The following LRRC9 variants were observed in gnomAD, a reference collection of about 807,000 sequenced individuals.
The protein encoded by LRRC9 is leucine rich repeat containing 9.
Under a neutral mutation model 63.2 loss-of-function variants are expected in LRRC9, and 122 were observed. The observed-to-expected ratio is 1.93, with a 90% confidence interval of 1.67 to 2.24. The LOEUF (loss-of-function observed/expected upper bound fraction) is 2.24. Ranked by LOEUF, LRRC9 falls within the 30% of genes most tolerant of loss-of-function variation. The pLI is 0.00. For synonymous variants in LRRC9, 366 were observed against 213.1 expected, an observed-to-expected ratio of 1.72 and a Z score of -6.25; for missense variants, 1,071 against 627.7, an observed-to-expected ratio of 1.71 and a Z score of -7.55.
chr14:59,928,905 A>T (rs1889443946), intron 3 of LRRC9, among the ~76,000 whole-genome samples: 1 of 152,130 alleles, frequency 6.6e-6, no homozygotes, highest in South Asian at 2.1e-4. Flanking sequence ...TCTTCCTTAT[A>T]CCATATACAA....
At chr14:59,984,288 C>T (rs555481497) in intron 16 of LRRC9, among the ~76,000 whole-genome samples, 17 of 152,224 alleles carry the variant, frequency 1.1e-4, no homozygotes, top group African/African-American at 3.9e-4. Context: ...AATTGTTTCT[C>T]CCTTCTAGGA....
At chr14:60,002,735 A>G (rs750533135) in intron 20 of LRRC9, among the ~76,000 whole-genome samples, 4 of 152,212 alleles carry the variant, frequency 2.6e-5, no homozygotes, top group Non-Finnish European at 5.9e-5. Context: ...CGTTCGCCAC[A>G]GAATTGGAAA....
At chr14:60,021,185 T>C (rs1042183916) in intron 26 of LRRC9, among the ~76,000 whole-genome samples, 5 of 151,960 alleles carry the variant, frequency 3.3e-5, no homozygotes, top group African/African-American at 1.2e-4. Flanking sequence ...GTATAGCCAT[T>C]CTAATACATT....
At chr14:60,000,402 C>A (rs572115434) in intron 19 of LRRC9, among the ~76,000 whole-genome samples, 3 of 152,168 alleles carry the variant, frequency 2.0e-5, no homozygotes, top group African/African-American at 7.2e-5. Flanking sequence ...GAAATGTCTC[C>A]TTGTAACAAA....
At chr14:59,988,549 T>C (rs1887719656) in intron 17 of LRRC9, among the ~76,000 whole-genome samples, 1 of 152,174 alleles carries the variant, frequency 6.6e-6, no homozygotes, top group Admixed American at 6.5e-5. Flanking sequence ...TTATCTACTG[T>C]TGTACACGCA....
At position 59,922,158 on chromosome 14, in the gene LRRC9, G is replaced by C. The variant is rs935592786; in HGVS notation, c.-34+2275G>C. On this transcript the variant is annotated intron_variant, in intron 1 of 31. Transcript: ENST00000445360. This position sits in a 1 kb window ranked among gnomAD's most constrained non-coding sequence, Gnocchi z 5.3. ...GCACAAAGTAAGTTTGAAATAACAAGTAGAGAGAAGCCAAGGAGAAAAGTT... is the reference window on the plus strand; with the variant it reads ...GCACAAAGTAAGTTTGAAATAACAACTAGAGAGAAGCCAAGGAGAAAAGTT... 2.6e-5 allele frequency among the ~76,000 whole-genome samples: 4 copies of C among 151,998 alleles called. No homozygotes were observed. The highest frequency in any genetic ancestry group is 5.9e-5 in the Non-Finnish European group (4 of 68,000).
At chr14:59,995,738 T>A (rs1174524388) in intron 17 of LRRC9, among the ~76,000 whole-genome samples, 1 of 151,668 alleles carries the variant, frequency 6.6e-6, no homozygotes, top group Non-Finnish European at 1.5e-5. Flanking sequence ...TTTTTTTTGT[T>A]ATATTTTATT....
chr14:59,944,849 T>TACAC (rs528764946), intron 8 of LRRC9, 105 bp downstream of exon 8: 1 of 464,274 alleles, frequency 2.2e-6, no homozygotes, highest in Non-Finnish European at 3.7e-6. Context: ...ACATATATAA[T>TACAC]ACACACACAC....
At position 60,050,245 on chromosome 14, in the gene LRRC9, C is replaced by T. The variant is rs913736982; in HGVS notation, c.3991-2820C>T. Among the ~76,000 whole-genome samples the T allele has an allele frequency of 3.9e-4, 60 of 152,184 alleles. 1 individual carries two copies. The highest frequency in any genetic ancestry group is 7.2e-4 in the Non-Finnish European group (49 of 68,032). On this transcript the variant is annotated intron_variant, in intron 29 of 31. Coordinates refer to ENST00000445360, the Ensembl canonical transcript of LRRC9. ...TCCTGACCTCCGGTGATCCACCCTT[C>T]TTGGCCTCCCAAAGTGCTGAGATTG...
chr14:60,038,041 G>A (rs566180184), intron 29 of LRRC9, among the ~76,000 whole-genome samples: 1 of 152,154 alleles, frequency 6.6e-6, no homozygotes, highest in East Asian at 1.9e-4. Context: ...CCCATTGCTT[G>A]TTTTTGTCTG....
intron 1 of LRRC9, among the ~76,000 whole-genome samples, chr14:59,924,894 C>T (rs1291929488): frequency 6.6e-6 from 1 of 151,648 alleles, no homozygotes; most frequent in Admixed American, 6.6e-5. Flanking sequence ...TGCCCCCCAT[C>T]CCAGCTTTTT....
At chr14:60,014,185 T>G (rs1353516058) in intron 23 of LRRC9, among the ~76,000 whole-genome samples, 3 of 152,130 alleles carry the variant, frequency 2.0e-5, no homozygotes, top group Non-Finnish European at 4.4e-5. Context: ...GAAATGTTAC[T>G]TTCCTTCCAG....
chr14:60,022,591 CTG>C (rs1338259878), intron 26 of LRRC9, 141 bp from the exon 27 acceptor site: 1 of 372,438 alleles, frequency 2.7e-6, no homozygotes, highest in Non-Finnish European at 4.7e-6. Flanking sequence ...TATAAACAGA[CTG>C]TATTAAGCTT....
downstream of LRRC9, among the ~76,000 whole-genome samples, chr14:60,064,638 A>T (rs1282158946): frequency 6.6e-6 from 1 of 152,170 alleles, no homozygotes; most frequent in Non-Finnish European, 1.5e-5. Flanking sequence ...TTTAGGTGGA[A>T]ATAGGATCTT....
At chr14:59,944,114 A>T (rs1400136092) in intron 7 of LRRC9, among the ~76,000 whole-genome samples, 1 of 151,980 alleles carries the variant, frequency 6.6e-6, no homozygotes, top group Non-Finnish European at 1.5e-5. Context: ...TGCTCAGCCT[A>T]ACATTCTTTT....
At position 59,942,678 on chromosome 14, in the gene LRRC9, A is replaced by G. The variant is rs752853451; in HGVS notation, c.727-1911A>G. 5.3e-5 allele frequency among the ~76,000 whole-genome samples: 8 copies of G among 152,128 alleles called. No homozygotes were observed. Among genetic ancestry groups the G allele is most frequent in the African/African-American group, 1.7e-4 (7 of 41,446 alleles). On this transcript the variant is annotated intron_variant, in intron 7 of 31. Transcript: ENST00000445360. The surrounding 1 kb of genome is among the most constrained non-coding windows in gnomAD (Gnocchi z 5.3). ...AGAAGGCAGAAGTTGCGGTGAGCCG[A>G]TATCACACCACTGCACTTCAGCCTG... is the stretch of plus-strand genomic sequence containing the variant.
intron 28 of LRRC9, among the ~76,000 whole-genome samples, chr14:60,029,897 C>A (rs887173947): frequency 6.6e-6 from 1 of 151,872 alleles, no homozygotes; most frequent in Non-Finnish European, 1.5e-5. Flanking sequence ...TGCCATTAAG[C>A]TTATTCTAAC....
At chr14:60,022,669 GT>G in intron 26 of LRRC9, 64 bp from the exon 27 acceptor site, 1 of 483,296 alleles carries the variant, frequency 2.1e-6, no homozygotes. Flanking sequence ...ATACTGAACT[GT>G]CTTTTTATAA....
rs1448880898 is a variant in LRRC9, at chr14:59,990,477, T to G, written c.2211+5253T>G. 6.6e-6 allele frequency among the ~76,000 whole-genome samples: 1 copy of G among 151,792 alleles called. No individual in the cohort carries two copies. Among genetic ancestry groups the G allele is most frequent in the Admixed American group, 6.6e-5 (1 of 15,232 alleles). ...GGAATGCAATGGCATAATCATAGAG[T>G]ACACTGCAGCCTCAACTTCCTGGGC... On this transcript the variant is annotated intron_variant, in intron 17 of 31. Coordinates refer to ENST00000445360, the Ensembl canonical transcript of LRRC9. The surrounding 1 kb of genome is among the most constrained non-coding windows in gnomAD (Gnocchi z 4.2).
Sources: allele counts gnomAD v4.1 joint callset (sites outside exome capture counted in the v4.1 genomes callset), GRCh38; gene constraint gnomAD v4.1.1; non-coding constraint Gnocchi (gnomAD v3.1); transcripts MANE v1.5; gene names NCBI Gene and HGNC (gene_info 2026-07-23, HGNC 2026-07-21).